Variants in ARHGAP15 observed in about 807,000 individuals in gnomAD.
ARHGAP15 encodes the protein Rho GTPase activating protein 15, also known as rho GTPase-activating protein 15.
A neutral mutation model predicts 63.7 loss-of-function variants in ARHGAP15; 51 were observed. The observed-to-expected ratio is 0.80, with a 90% CI of 0.64 to 1.01. The LOEUF is 1.01. Among genes scored for constraint, ARHGAP15 ranks in the 50% least tolerant of loss-of-function variants. The pLI is 0.00. For synonymous variants in ARHGAP15, 191 were observed against 193.8 expected (o/e 0.99, Z 0.12); for missense variants, 560 against 564.6 (o/e 0.99, Z 0.08).
At chr2:143,247,982 A>G (rs954552743) in intron 5 of ARHGAP15, among the ~76,000 whole-genome samples, 4 of 152,246 alleles carry the variant, frequency 2.6e-5, no homozygotes, top group Admixed American at 2.6e-4. Flanking sequence ...TATTCATTGA[A>G]CAACAACTAT....
chr2:143,543,781 A>T (rs944426294), intron 10 of ARHGAP15, among the ~76,000 whole-genome samples: 4 of 152,154 alleles, frequency 2.6e-5, no homozygotes, highest in Non-Finnish European at 1.5e-5. Context: ...GTGCTAGATG[A>T]GTTTAAATAA....
At chr2:143,447,191 T>C (rs1381757110) in intron 8 of ARHGAP15, among the ~76,000 whole-genome samples, 3 of 152,180 alleles carry the variant, frequency 2.0e-5, no homozygotes, top group Non-Finnish European at 4.4e-5. Flanking sequence ...GCCATTTCCA[T>C]TCTTATAGAA....
At chr2:143,509,044 G>GTGC (rs1187689002) in intron 9 of ARHGAP15, among the ~76,000 whole-genome samples, 4 of 152,154 alleles carry the variant, frequency 2.6e-5, no homozygotes, top group Non-Finnish European at 5.9e-5. Flanking sequence ...TGATCAAAGG[G>GTGC]TGCTACCCCC....
At chr2:143,312,674 C>T (rs567993011) in intron 6 of ARHGAP15, among the ~76,000 whole-genome samples, 2 of 152,182 alleles carry the variant, frequency 1.3e-5, no homozygotes, top group South Asian at 4.2e-4. Context: ...GTTTTTGCTT[C>T]GCTAATTCAC....
chr2:143,708,783 T>A (rs1438950848), intron 13 of ARHGAP15, among the ~76,000 whole-genome samples: 1 of 152,180 alleles, frequency 6.6e-6, no homozygotes. Flanking sequence ...GACTTCTAGT[T>A]CCCTTGCTTT....
At chr2:143,487,800 T>C (rs573761104) in intron 9 of ARHGAP15, among the ~76,000 whole-genome samples, 1 of 152,172 alleles carries the variant, frequency 6.6e-6, no homozygotes, top group Non-Finnish European at 1.5e-5. Flanking sequence ...TGTCCTCCTG[T>C]GTCTGGGTGG....
chr2:143,534,063 T>G (rs886751956), intron 10 of ARHGAP15, among the ~76,000 whole-genome samples: 8 of 152,152 alleles, frequency 5.3e-5, no homozygotes, highest in Non-Finnish European at 1.0e-4. Context: ...CCACATCTCT[T>G]CTTGAATTGT....
At chr2:143,609,807 C>G (rs897257645) in intron 11 of ARHGAP15, among the ~76,000 whole-genome samples, 1 of 152,076 alleles carries the variant, frequency 6.6e-6, no homozygotes, top group African/African-American at 2.4e-5. Context: ...TGCAGCAGAA[C>G]AGAGGGCAGG....
At position 143,518,394 on chromosome 2, in the gene ARHGAP15, G is replaced by A. The variant is rs116831452; in HGVS notation, c.827-872G>A. On this transcript the variant is annotated intron_variant, in intron 9 of 13. Coordinates refer to ENST00000295095, the MANE Select transcript of ARHGAP15 (RefSeq NM_018460.4). ...GGGCTAGGCTAGGATTTCACAGTGG[G>A]TATTCTCGGAAACATTAGTCTGGAG... Among the ~76,000 whole-genome samples, 471 of 152,286 alleles carry A rather than the reference G, an allele frequency of 3.1e-3. 3 individuals carry two copies. The highest frequency in any genetic ancestry group is 0.011 in the African/African-American group (452 of 41,548).
chr2:143,642,422 A>G (rs1680648421), intron 12 of ARHGAP15, among the ~76,000 whole-genome samples: 1 of 152,100 alleles, frequency 6.6e-6, no homozygotes, highest in Admixed American at 6.6e-5. Context: ...TGCCTAGGGT[A>G]AGTTTCCAAA....
chr2:143,397,392 T>C (rs1468326379), intron 6 of ARHGAP15, among the ~76,000 whole-genome samples: 1 of 151,788 alleles, frequency 6.6e-6, no homozygotes, highest in Non-Finnish European at 1.5e-5. Context: ...AATGTGTGAC[T>C]AGTACTTACA....
chr2:143,146,598 C>G (rs2104996291), intron 1 of ARHGAP15, among the ~76,000 whole-genome samples: 1 of 151,992 alleles, frequency 6.6e-6, no homozygotes, highest in Admixed American at 6.6e-5. Flanking sequence ...ACTTTATATG[C>G]AAACATAGGC....
At chr2:143,136,109 A>G (rs1039604571) in intron 1 of ARHGAP15, among the ~76,000 whole-genome samples, 1 of 152,080 alleles carries the variant, frequency 6.6e-6, no homozygotes, top group Non-Finnish European at 1.5e-5. Context: ...TAATGACACC[A>G]TATTAATCTC....
intron 10 of ARHGAP15, among the ~76,000 whole-genome samples, chr2:143,536,301 A>G (rs1248967371): frequency 6.6e-6 from 1 of 152,140 alleles, no homozygotes; most frequent in Non-Finnish European, 1.5e-5. Context: ...ATCATGCAAT[A>G]CGTATTTTTC....
chr2:143,568,936 TCTCA>T (rs1696342574), intron 11 of ARHGAP15, among the ~76,000 whole-genome samples: 1 of 152,152 alleles, frequency 6.6e-6, no homozygotes, highest in Admixed American at 6.5e-5. Flanking sequence ...CACCACATGT[TCTCA>T]CTCATAGGTG....
At chr2:143,716,753 C>T (rs1004779988) in intron 13 of ARHGAP15, among the ~76,000 whole-genome samples, 13 of 152,310 alleles carry the variant, frequency 8.5e-5, no homozygotes, top group African/African-American at 3.1e-4. Flanking sequence ...ATTGTGTTTC[C>T]AGGGAAGAAG....
chr2:143,754,152 G>GCT (rs1296354337), intron 13 of ARHGAP15, among the ~76,000 whole-genome samples: 2 of 152,266 alleles, frequency 1.3e-5, no homozygotes, highest in African/African-American at 4.8e-5. Context: ...GTTCTGGAGG[G>GCT]CTATGTAAAG....
intron 4 of ARHGAP15, among the ~76,000 whole-genome samples, chr2:143,220,748 T>G (rs1486351012): frequency 1.3e-5 from 2 of 152,216 alleles, no homozygotes; most frequent in Non-Finnish European, 2.9e-5. Flanking sequence ...TTTATGCTTC[T>G]TATATAAAAT....
chr2:143,231,633 C>A (rs1693445056), intron 5 of ARHGAP15, among the ~76,000 whole-genome samples: 1 of 152,224 alleles, frequency 6.6e-6, no homozygotes, highest in African/African-American at 2.4e-5. Flanking sequence ...TGTTTGGTTA[C>A]TTTCCTTTCT....
Sources: allele counts gnomAD v4.1 joint callset (sites outside exome capture counted in the v4.1 genomes callset), GRCh38; gene constraint gnomAD v4.1.1; transcripts MANE v1.5; gene names NCBI Gene and HGNC (gene_info 2026-07-23, HGNC 2026-07-21).